The following GC variants were observed in gnomAD, a reference collection of about 807,000 sequenced individuals.
GC encodes the protein GC vitamin D binding protein.
Under a neutral mutation model 56.7 loss-of-function variants are expected in GC, and 43 were observed. The observed-to-expected ratio is 0.76, with a 90% CI of 0.59 to 0.98. GC has a LOEUF of 0.98. Ranked by LOEUF, GC falls within the 50% of genes least tolerant of loss-of-function variation. GC has a pLI of 0.00. For missense variants in GC, 529 were observed against 545.9 expected (o/e 0.97, Z 0.31); for synonymous variants, 216 against 202.7 (o/e 1.07, Z -0.56).
At position 71,798,706 on chromosome 4, in the gene GC, G is replaced by T. The variant is rs114154857; in HGVS notation, c.21+5220C>A. On this transcript the variant is annotated intron_variant, in intron 1 of 13. Transcript: ENST00000504199. ...AAGCCTTTCTTTATTAGTGTATTAA[G>T]GTATAGTCTTCCAAGGTCTAGTCTT... Among the ~76,000 whole-genome samples the T allele has an allele frequency of 6.5e-3, 994 of 152,220 alleles. 16 individuals carry two copies. Among genetic ancestry groups the T allele is most frequent in the African/African-American group, 0.023 (953 of 41,534 alleles).
At chr4:71,749,277 G>A (rs1396219910) in intron 11 of GC, among the ~76,000 whole-genome samples, 2 of 152,110 alleles carry the variant, frequency 1.3e-5, no homozygotes, top group South Asian at 4.1e-4. Flanking sequence ...AAGTGAGAGA[G>A]CTACAAACCT....
At chr4:71,773,721 G>A (rs575300051) in intron 1 of GC, among the ~76,000 whole-genome samples, 1 of 152,020 alleles carries the variant, frequency 6.6e-6, no homozygotes, top group South Asian at 2.1e-4. Flanking sequence ...ACATAAATAA[G>A]TGCTCGTACA....
chr4:71,752,483 T>A, intron 11 of GC, 35 bp downstream of exon 11: 1 of 1,576,014 alleles, frequency 6.3e-7, no homozygotes. Context: ...CTTAAAAGAT[T>A]CTGCCATGTT....
At chr4:71,793,043 A>G (rs2149309360) in intron 1 of GC, among the ~76,000 whole-genome samples, 1 of 152,294 alleles carries the variant, frequency 6.6e-6, no homozygotes, top group South Asian at 2.1e-4. Flanking sequence ...TACGGGTACC[A>G]TGCTGTTTTG....
intron 11 of GC, 95 bp from the exon 12 acceptor site, chr4:71,746,300 GT>G: frequency 1.7e-6 from 1 of 603,714 alleles, no homozygotes. Flanking sequence ...TGAAACCTTG[GT>G]TAGGGGAGCG....
chr4:71,793,640 C>G (rs550706363), intron 1 of GC, among the ~76,000 whole-genome samples: 5 of 152,144 alleles, frequency 3.3e-5, no homozygotes, highest in East Asian at 1.9e-4. Context: ...AATTGAATAC[C>G]CTTTATTTCT....
At chr4:71,752,405 G>A in intron 11 of GC, 113 bp downstream of exon 11, 1 of 816,062 alleles carries the variant, frequency 1.2e-6, no homozygotes, top group East Asian at 2.7e-5. Flanking sequence ...AATAACACCA[G>A]GAAAAGCCTG....
intron 4 of GC, 98 bp from the exon 5 acceptor site, chr4:71,764,034 G>A: frequency 1.1e-6 from 1 of 890,642 alleles, no homozygotes; most frequent in South Asian, 1.5e-5. Context: ...CTAGGCTGGA[G>A]TACATGGTAT....
intron 4 of GC, among the ~76,000 whole-genome samples, chr4:71,764,734 G>T (rs2149300457): frequency 6.6e-6 from 1 of 152,246 alleles, no homozygotes; most frequent in Non-Finnish European, 1.5e-5. Flanking sequence ...TTTGAAAATT[G>T]ACAGGAATGA....
intron 1 of GC, among the ~76,000 whole-genome samples, chr4:71,782,106 G>T (rs1742699682): frequency 6.6e-6 from 1 of 151,560 alleles, no homozygotes. Context: ...TTTGGCCACA[G>T]AAACTTCTTT....
chr4:71,774,881 A>T (rs1053149321), intron 1 of GC, among the ~76,000 whole-genome samples: 1 of 151,986 alleles, frequency 6.6e-6, no homozygotes, highest in African/African-American at 2.4e-5. Flanking sequence ...CATTTTGTCC[A>T]TGAGTTAGAG....
At chr4:71,784,503 C>T (rs2149307260), upstream of GC, 1 of 156,744 alleles carries the variant, frequency 6.4e-6, no homozygotes, top group South Asian at 2.0e-4. Context: ...TACAAATAAG[C>T]ATTACCTTAA....
intron 12 of GC, among the ~76,000 whole-genome samples, chr4:71,744,925 T>G (rs982275569): frequency 2.0e-5 from 3 of 152,236 alleles, no homozygotes; most frequent in African/African-American, 7.2e-5. Flanking sequence ...TTTTTATTCC[T>G]TGGAAAATTA....
upstream of GC, among the ~76,000 whole-genome samples, chr4:71,804,707 C>G (rs368194309): frequency 1.4e-3 from 204 of 150,888 alleles, 1 homozygote; most frequent in African/African-American, 2.3e-3. Context: ...TTAAAAGTGT[C>G]GAAAGTAATG....
At chr4:71,769,586 A>G in intron 1 of GC, 186 bp from the exon 2 acceptor site, 2 of 539,886 alleles carry the variant, frequency 3.7e-6, no homozygotes, top group Admixed American at 3.1e-5. Flanking sequence ...CAATTTTATG[A>G]CATTCTGTTA....
chr4:71,771,447 C>T (rs1485782112), intron 1 of GC, among the ~76,000 whole-genome samples: 1 of 151,856 alleles, frequency 6.6e-6, no homozygotes, highest in African/African-American at 2.4e-5. Context: ...GATGGATACC[C>T]CCCCAAAATA....
chr4:71,759,351 G>A (rs1741890664), intron 6 of GC, among the ~76,000 whole-genome samples: 1 of 152,052 alleles, frequency 6.6e-6, no homozygotes, highest in African/African-American at 2.4e-5. Context: ...TGTTTTGAGG[G>A]ACTTCCATAC....
At chr4:71,756,314 C>G (rs1197503230) in intron 8 of GC, among the ~76,000 whole-genome samples, 1 of 152,190 alleles carries the variant, frequency 6.6e-6, no homozygotes, top group Non-Finnish European at 1.5e-5. Flanking sequence ...TTCACATTTA[C>G]TTTCACTTAC....
intron 1 of GC, among the ~76,000 whole-genome samples, chr4:71,782,942 G>GCTTA (rs1195891542): frequency 6.6e-6 from 1 of 151,790 alleles, no homozygotes; most frequent in Non-Finnish European, 1.5e-5. Context: ...AGGACGCATA[G>GCTTA]CTTACTTAAG....
Sources: allele counts gnomAD v4.1 joint callset (sites outside exome capture counted in the v4.1 genomes callset), GRCh38; gene constraint gnomAD v4.1.1; transcripts MANE v1.5; gene names NCBI Gene and HGNC (gene_info 2026-07-23, HGNC 2026-07-21).